Variants in CFAP74 observed in about 807,000 individuals in gnomAD.
The protein encoded by CFAP74 is cilia and flagella associated protein 74.
CFAP74 carries 124 observed loss-of-function variants against 188.9 expected under a neutral mutation model. The ratio of observed to expected loss-of-function variants is 0.66; its 90% CI spans 0.57 to 0.76. CFAP74 has a LOEUF of 0.76. Ranked by LOEUF, CFAP74 falls within the 30% of genes least tolerant of loss-of-function variation. The probability of loss-of-function intolerance (pLI) is 0.00; values close to 1 mark genes in which losing one functional copy is unlikely to be tolerated. For missense variants in CFAP74, 2,198 were observed against 2,165.2 expected (o/e 1.02, Z -0.30); for synonymous variants, 956 against 916.7 (o/e 1.04, Z -0.77).
At chr1:1,987,616 A>G (rs941126796) in intron 4 of CFAP74, among the ~76,000 whole-genome samples, 1 of 151,086 alleles carries the variant, frequency 6.6e-6, no homozygotes, top group Non-Finnish European at 1.5e-5. Context: ...ATCTCGGCTC[A>G]CTGCAACCTC....
intron 4 of CFAP74, chr1:1,987,824 G>A: frequency 3.1e-6 from 1 of 327,354 alleles, no homozygotes; most frequent in Non-Finnish European, 6.0e-6. Context: ...ACAGGTGTGA[G>A]CCACCGCGCC....
In CFAP74 at chr1:1,926,371, G is replaced by T. The variant is rs1253496816; in HGVS notation, c.3829-24C>A. 4 of 1,549,742 alleles carry T rather than the reference G, an allele frequency of 2.6e-6. No homozygotes were observed. In the African/African-American group the frequency reaches 4.1e-5, roughly 16 times the overall value. On this transcript the variant is annotated intron_variant, in intron 31 of 38. Transcript: ENST00000682832. ...AGCTGAGGGTCCACGTCAAGGAGGG[G>T]ATACAGGTGTCTGCAGGCTCTACCA...
intron 18 of CFAP74, among the ~76,000 whole-genome samples, chr1:1,949,313 G>A (rs1053546886): frequency 2.0e-5 from 3 of 151,652 alleles, no homozygotes; most frequent in South Asian, 2.1e-4. Context: ...TGCGTGCCAC[G>A]ATGTCTGGCA....
Position 1,973,325 on chromosome 1 carries a change from G to T in CFAP74, c.675-278C>A, listed in dbSNP as rs1325100039. 3.3e-5 allele frequency among the ~76,000 whole-genome samples: 5 copies of T among 152,180 alleles called. No individual in the cohort carries two copies. Among genetic ancestry groups the T allele is most frequent in the Admixed American group, 2.6e-4 (4 of 15,280 alleles). On this transcript the variant is annotated intron_variant, in intron 7 of 38. Coordinates refer to ENST00000682832, the MANE Select transcript of CFAP74 (RefSeq NM_001304360.2). This position sits in a 1 kb window ranked among gnomAD's most constrained non-coding sequence, Gnocchi z 6.2. The stretch of plus-strand genomic sequence containing the variant: ...CTGGGCAGGGGTCTGGGAAGAGGAC[G>T]GTGCAGGCACAGCAGTGCTGTGGGG...
rs547343718 is a variant in CFAP74 at position 1,946,276 on chromosome 1, G to A, written c.2364+41C>T. On this transcript the variant is annotated intron_variant, in intron 20 of 38. Transcript: ENST00000682832. ...CTGCCACATGAGGCTGTGGAGGCAG[G>A]GGCCAGGGTGTGTGCGTGGCGTGGC... The A allele has an allele frequency of 1.4e-4, 206 of 1,500,124 alleles. 3 individuals carry two copies. In the Admixed American group the frequency reaches 4.1e-3, roughly 30 times the overall value. The allele number at this position is 1,500,124 out of a possible 1,614,324, so 92.9% of individuals were successfully genotyped here.
At chr1:1,952,097 G>A (rs1476551534) in intron 18 of CFAP74, among the ~76,000 whole-genome samples, 4 of 152,068 alleles carry the variant, frequency 2.6e-5, no homozygotes, top group Admixed American at 2.0e-4. Context: ...GACTACAGGC[G>A]CCTGCCACCA....
intron 1 of CFAP74, among the ~76,000 whole-genome samples, chr1:2,001,211 GAGA>G (rs769207972): frequency 6.6e-6 from 1 of 152,214 alleles, no homozygotes; most frequent in African/African-American, 2.4e-5. Flanking sequence ...GCCCAGGCAG[GAGA>G]AGAAGGTGTC....
intron 14 of CFAP74, among the ~76,000 whole-genome samples, chr1:1,962,348 C>CAT (rs1655148010): frequency 6.6e-6 from 1 of 151,714 alleles, no homozygotes; most frequent in Non-Finnish European, 1.5e-5. Flanking sequence ...TGGTGGCAGG[C>CAT]GCCTGTTATC....
chr1:1,926,889 C>T lies in CFAP74; in HGVS notation c.3662+5G>A, dbSNP rs775934490. The T allele has an allele frequency of 2.3e-5, 36 of 1,549,840 alleles. No individual in the cohort carries two copies. The highest frequency in any genetic ancestry group is 4.1e-5 in the African/African-American group (3 of 73,032). On this transcript the variant is annotated splice_donor_5th_base_variant and intron_variant, in intron 29 of 38. Transcript: ENST00000682832. ...ACACCCTGTTCTGGCCAGAGCACCC[C>T]GCACCTGAAGCTCAGGGGTTCTGAC...
intron 1 of CFAP74, 89 bp from the exon 2 acceptor site, chr1:1,991,064 G>A: frequency 5.2e-6 from 4 of 770,056 alleles, no homozygotes; most frequent in Non-Finnish European, 8.2e-6. Context: ...AAGGCATTAA[G>A]AAAACAAACG....
intron 25 of CFAP74, among the ~76,000 whole-genome samples, chr1:1,931,049 C>T (rs1234848216): frequency 6.6e-6 from 1 of 152,106 alleles, no homozygotes; most frequent in Non-Finnish European, 1.5e-5. Context: ...TCACATTTGT[C>T]GGTAACAGAA....
intron 30 of CFAP74, 62 bp from the exon 31 acceptor site, chr1:1,926,574 G>T: frequency 1.9e-6 from 3 of 1,547,998 alleles, no homozygotes; most frequent in Non-Finnish European, 2.6e-6. Flanking sequence ...CTCTGCCAGG[G>T]GTGGGCCGTG....
chr1:1,986,801 C>T (rs549079528), intron 5 of CFAP74, 136 bp downstream of exon 5: 26 of 682,648 alleles, frequency 3.8e-5, no homozygotes, highest in East Asian at 2.1e-4. Flanking sequence ...TCTGCATGTT[C>T]GTGTTGTGGC....
chr1:1,956,924 C>T (rs1459834302), intron 16 of CFAP74, 140 bp from the exon 17 acceptor site: 14 of 862,758 alleles, frequency 1.6e-5, no homozygotes, highest in Non-Finnish European at 2.3e-5. Flanking sequence ...GTACACGATT[C>T]AACCCAGAAA....
chr1:1,981,760 C>CGG (rs1656882573), intron 6 of CFAP74, among the ~76,000 whole-genome samples: 1 of 84,530 alleles, frequency 1.2e-5, no homozygotes, highest in African/African-American at 5.1e-5. Context: ...GCCGCGGTCA[C>CGG]ACGCGGGGGC....
Position 1,923,143 on chromosome 1 carries a change from T to G in CFAP74, c.4525A>C (p.Ser1509Arg). ...PVFDPRHREASSRPGPLSPEA... is the reference protein window; with the variant it reads ...PVFDPRHREARSRPGPLSPEA... ...GGAGAGAGAGGGCCTGGCCGGGAGC[T>G]GGCTGGAGGGGTGTGGCCAGGGGAG... Residue 1509 changes from serine to arginine, a missense_variant and splice_region_variant, in exon 37 of 39, where the codon AGC (serine) becomes CGC (arginine). Transcript: ENST00000682832. This position sits in a 1 kb window ranked among gnomAD's most constrained non-coding sequence, Gnocchi z 6.3. 6.2e-7 allele frequency: 1 copy of G among 1,606,686 alleles called. No individual in the cohort carries two copies. Among genetic ancestry groups the G allele is most frequent in the South Asian group, 1.1e-5 (1 of 90,334 alleles).
Position 1,968,005 on chromosome 1 carries a change from CGAATGAGT to C in CFAP74, c.1245+622_1245+629del, listed in dbSNP as rs1655596912. Among the ~76,000 whole-genome samples, 1 of 140,406 alleles carries C rather than the reference CGAATGAGT, an allele frequency of 7.1e-6. No homozygotes were observed. The highest frequency in any genetic ancestry group is 2.6e-5 in the African/African-American group (1 of 38,568). The allele number at this position is 140,406 out of a possible 152,430, so 92.1% of individuals were successfully genotyped here. A position where few individuals can be genotyped will look rare whatever the true frequency, so the allele number is the denominator to read the frequency against. ...AAGAATGAATGAGTGAATGAGTGAGCGAATGAGTGAATGAATGAGTGAATGAGTGAATG... is the reference window on the plus strand; with the variant it reads ...AAGAATGAATGAGTGAATGAGTGAGCGAATGAATGAGTGAATGAGTGAATG... On this transcript the variant is annotated intron_variant, in intron 11 of 38. Coordinates refer to ENST00000682832, the MANE Select transcript of CFAP74 (RefSeq NM_001304360.2). The surrounding 1 kb of genome is among the most constrained non-coding windows in gnomAD (Gnocchi z 4.3).
chr1:1,971,677 C>T (rs1266394576), intron 9 of CFAP74, among the ~76,000 whole-genome samples: 1 of 152,216 alleles, frequency 6.6e-6, no homozygotes, highest in Non-Finnish European at 1.5e-5. Flanking sequence ...AGGGCATGGC[C>T]TCGAGGCACC....
At chr1:1,963,158 A>G (rs1278257909) in intron 14 of CFAP74, among the ~76,000 whole-genome samples, 1 of 152,170 alleles carries the variant, frequency 6.6e-6, no homozygotes, top group Non-Finnish European at 1.5e-5. Context: ...AACAATACAA[A>G]AGGAAACTCT....
Sources: gnomAD v4.1 joint callset for allele counts (sites outside exome capture counted in the v4.1 genomes callset) on GRCh38, gnomAD v4.1.1 for gene constraint, Gnocchi (gnomAD v3.1) non-coding constraint, MANE v1.5 for transcripts, NCBI Gene and HGNC (gene_info 2026-07-23, HGNC 2026-07-21) for gene names.